The following KIAA1210 variants were observed in gnomAD, a reference collection of about 807,000 sequenced individuals.
The protein encoded by KIAA1210 is KIAA1210.
Under a neutral mutation model 78.9 loss-of-function variants are expected in KIAA1210, and 48 were observed. The ratio of observed to expected loss-of-function variants is 0.61; its 90% CI spans 0.48 to 0.77. The LOEUF (loss-of-function observed/expected upper bound fraction) is 0.77. Among genes scored for constraint, KIAA1210 ranks in the 30% least tolerant of loss-of-function variants. The pLI is 0.00. For missense variants in KIAA1210, 1,108 were observed against 1,100.0 expected, an observed-to-expected ratio of 1.01 and a Z score of -0.10; for synonymous variants, 406 against 404.5, an observed-to-expected ratio of 1.00 and a Z score of -0.04.
At chrX:119,114,288 G>A (rs948305733) in intron 3 of KIAA1210, among the ~76,000 whole-genome samples, 52 of 111,501 alleles carry the variant, frequency 4.7e-4, no homozygotes, top group African/African-American at 1.7e-3. Flanking sequence ...GGGCCAACAG[G>A]AGAGGAGAGG....
chrX:119,078,838 G>GA lies in KIAA1210; in HGVS notation c.*2490dup, dbSNP rs753919083. 1.8e-5 allele frequency: 2 copies of GA among 111,355 alleles called. No homozygotes were observed. The highest frequency in any genetic ancestry group is 3.9e-4 in the South Asian group (1 of 2,549). The allele number at this position is 111,355 out of a possible 1,213,427, so 9.2% of individuals were successfully genotyped here. A position where few individuals can be genotyped will look rare whatever the true frequency, so the allele number is the denominator to read the frequency against. On this transcript the variant is annotated 3_prime_UTR_variant, in exon 12 of 12. Coordinates refer to ENST00000691062, the MANE Select transcript of KIAA1210 (RefSeq NM_001394962.1). Reference sequence around the variant, plus strand: ...GAATAGCTGAATACAGGTTCACTGTGAAAAAAAGGAAGGGAGGTGTAACAG... The same window carrying GA: ...GAATAGCTGAATACAGGTTCACTGTGAAAAAAAAGGAAGGGAGGTGTAACAG...
In KIAA1210 at chrX:119,080,507, A is replaced by T. The variant is rs1926912554; in HGVS notation, c.*822T>A. On this transcript the variant is annotated 3_prime_UTR_variant, in exon 12 of 12. Coordinates refer to ENST00000691062, the MANE Select transcript of KIAA1210 (RefSeq NM_001394962.1). ...CTTGCAAAGCTTAGAGCAACAACCA[A>T]ATAATTGCGGCATCTATCTAGGCTC... The T allele has an allele frequency of 8.9e-6, 1 of 112,049 alleles. No homozygotes were observed. The highest frequency in any genetic ancestry group is 3.2e-5 in the African/African-American group (1 of 30,807). 9.2% of individuals were successfully genotyped at this position (112,049 alleles called of 1,213,427 possible).
At chrX:119,117,770 A>G (rs5957115) in intron 2 of KIAA1210, among the ~76,000 whole-genome samples, 45,314 of 107,906 alleles carry the variant, frequency 0.42, 7,114 homozygotes, top group East Asian at 0.68. Context: ...TTTTTTGTAG[A>G]GACGACGCTC....
chrX:119,150,144 A>T, intron 1 of KIAA1210: 1 of 598,792 alleles, frequency 1.7e-6, no homozygotes, highest in Non-Finnish European at 2.5e-6. Flanking sequence ...GTTTCTTGAC[A>T]CATAGAGAAG....
At chrX:119,147,718 G>T in intron 1 of KIAA1210, 1 of 692,650 alleles carries the variant, frequency 1.4e-6, no homozygotes, top group East Asian at 3.4e-5. Flanking sequence ...GGAAGTCCAC[G>T]GCCTAGAAGG....
Position 119,083,014 on chromosome X carries a change from C to T in KIAA1210, c.4426+1G>A, listed in dbSNP as rs1569310553. 2 of 1,170,906 alleles carry T rather than the reference C, an allele frequency of 1.7e-6. No individual in the cohort carries two copies. The highest frequency in any genetic ancestry group is 1.2e-6 in the Non-Finnish European group (1 of 866,976). On this transcript the variant is annotated splice_donor_variant, in intron 11 of 11. Transcript: ENST00000691062. LOFTEE classifies it high-confidence loss of function. ...TGAGAGGTCAGAATGTATGCTTTTACCTGATTTTGTAGGCTTAGGTGGCTT... is the reference window on the plus strand; with the variant it reads ...TGAGAGGTCAGAATGTATGCTTTTATCTGATTTTGTAGGCTTAGGTGGCTT...
intron 2 of KIAA1210, among the ~76,000 whole-genome samples, chrX:119,141,385 C>T (rs937956122): frequency 8.9e-6 from 1 of 112,094 alleles, no homozygotes; most frequent in African/African-American, 3.2e-5. Flanking sequence ...CTGAAATACA[C>T]TGCCTCCTGT....
chrX:119,094,541 G>A (rs949602445), intron 7 of KIAA1210, among the ~76,000 whole-genome samples: 2 of 111,990 alleles, frequency 1.8e-5, no homozygotes, highest in Admixed American at 1.9e-4. Context: ...TTGAGTAAAC[G>A]TGGTCAGATT....
At chrX:119,117,111 A>G (rs1042180964) in intron 2 of KIAA1210, among the ~76,000 whole-genome samples, 5 of 112,466 alleles carry the variant, frequency 4.4e-5, no homozygotes, top group African/African-American at 1.6e-4. Flanking sequence ...CCAAGCTCCC[A>G]CATGTGAAAA....
At chrX:119,118,211 C>A (rs931888004) in intron 2 of KIAA1210, among the ~76,000 whole-genome samples, 7 of 111,750 alleles carry the variant, frequency 6.3e-5, no homozygotes, top group African/African-American at 2.3e-4. Flanking sequence ...ATCCAAGAGT[C>A]AGAAAATTCT....
chrX:119,093,909 T>G (rs1927470236), intron 7 of KIAA1210, 134 bp from the exon 8 acceptor site: 2 of 881,740 alleles, frequency 2.3e-6, no homozygotes, highest in South Asian at 4.4e-5. Context: ...AAGATGGACG[T>G]TATTTCAATG....
chrX:119,142,145 G>A (rs1277875852), intron 2 of KIAA1210, among the ~76,000 whole-genome samples: 1 of 112,092 alleles, frequency 8.9e-6, no homozygotes, highest in Non-Finnish European at 1.9e-5. Flanking sequence ...TAGCTGATAA[G>A]TGGGGCTTAG....
At chrX:119,123,025 G>A (rs759142379) in intron 2 of KIAA1210, among the ~76,000 whole-genome samples, 1 of 111,596 alleles carries the variant, frequency 9.0e-6, no homozygotes, top group Non-Finnish European at 1.9e-5. Context: ...CCTTTTTATT[G>A]TGTGTGTGTG....
intron 7 of KIAA1210, among the ~76,000 whole-genome samples, chrX:119,094,800 CT>C (rs1927502976): frequency 1.8e-5 from 2 of 110,879 alleles, no homozygotes; most frequent in Admixed American, 1.9e-4. Flanking sequence ...ATGCTCTGGC[CT>C]TCTCAGAGGG....
intron 5 of KIAA1210, 94 bp downstream of exon 5, chrX:119,108,243 G>C: frequency 2.3e-6 from 2 of 880,047 alleles, no homozygotes; most frequent in Non-Finnish European, 3.2e-6. Context: ...TAGCCCAGGG[G>C]TCACACAGCC....
At chrX:119,105,207 T>A in intron 5 of KIAA1210, 60 bp from the exon 6 acceptor site, 9 of 1,055,044 alleles carry the variant, frequency 8.5e-6, no homozygotes, top group Non-Finnish European at 1.0e-5. Context: ...CTCAAATTAG[T>A]GGTTTTCTCT....
rs749176308 is a variant in KIAA1210 at position 119,114,103 on chromosome X, T to TA, written c.230+2392dup. ...AAAACAATACATTTATGTTAGCACT[T>TA]AAAAAAAATCTTCAAATGGTAACTA... On this transcript the variant is annotated intron_variant, in intron 3 of 11. Coordinates refer to ENST00000691062, the MANE Select transcript of KIAA1210 (RefSeq NM_001394962.1). Among the ~76,000 whole-genome samples, 238 of 111,568 alleles carry TA rather than the reference T, an allele frequency of 2.1e-3. 3 individuals are homozygous for TA. The highest frequency in any genetic ancestry group is 7.2e-3 in the African/African-American group (223 of 30,762).
rs1927284994 is a variant in KIAA1210 at position 119,089,320 on chromosome X, ATG to A, written c.1380_1381del (p.Ile461ThrfsTer2). 1 of 1,211,519 alleles carries A rather than the reference ATG, an allele frequency of 8.3e-7. No homozygotes were observed. Among genetic ancestry groups the A allele is most frequent in the Non-Finnish European group, 1.1e-6 (1 of 895,321 alleles). The stretch of plus-strand genomic sequence containing the variant: ...CATGGAATTGTCCATGTTTTCAGGT[ATG>A]GGCTGTGCTGCTGATGCTTTTCTGG... On this transcript the variant is annotated frameshift_variant, in exon 9 of 12. Coordinates refer to ENST00000691062, the MANE Select transcript of KIAA1210 (RefSeq NM_001394962.1). LOFTEE classifies it high-confidence loss of function.
chrX:119,126,346 T>C (rs1365310931), intron 1 of KIAA1210, among the ~76,000 whole-genome samples: 1 of 111,933 alleles, frequency 8.9e-6, no homozygotes, highest in Non-Finnish European at 1.9e-5. Context: ...GGCTGTGGTG[T>C]CAAGATTGCT....
Sources: allele counts gnomAD v4.1 joint callset (sites outside exome capture counted in the v4.1 genomes callset), GRCh38; gene constraint gnomAD v4.1.1; transcripts MANE v1.5; gene names NCBI Gene and HGNC (gene_info 2026-07-23, HGNC 2026-07-21).